The following NR1I3 variants were observed in gnomAD, a reference collection of about 807,000 sequenced individuals.
NR1I3 encodes the protein nuclear receptor subfamily 1 group I member 3, also known as constitutive activator of retinoid response.
Under a neutral mutation model 38.4 loss-of-function variants are expected in NR1I3, and 30 were observed. The ratio of observed to expected loss-of-function variants is 0.78; its 90% CI spans 0.58 to 1.06. The LOEUF (loss-of-function observed/expected upper bound fraction) is 1.06. Ranked by LOEUF, NR1I3 falls within the 50% of genes least tolerant of loss-of-function variation. The pLI is 0.00. For synonymous variants in NR1I3, 143 were observed against 165.1 expected, an observed-to-expected ratio of 0.87 and a Z score of 1.03; for missense variants, 388 against 435.7, an observed-to-expected ratio of 0.89 and a Z score of 0.97.
intron 1 of NR1I3, 94 bp downstream of exon 1, chr1:161,237,947 G>T: frequency 1.6e-6 from 2 of 1,289,200 alleles, no homozygotes; most frequent in South Asian, 1.2e-5. Context: ...GCCTCCCAAA[G>T]TGCTGGAATG....
chr1:161,230,633 T>A (rs1571676072), intron 8 of NR1I3, 180 bp downstream of exon 8: 1 of 776,792 alleles, frequency 1.3e-6, no homozygotes, highest in East Asian at 2.7e-5. Context: ...AGTATCCAAA[T>A]ACAGCAATTT....
chr1:161,230,658 T>C (rs977296514), intron 8 of NR1I3, 155 bp downstream of exon 8: 8 of 924,430 alleles, frequency 8.7e-6, no homozygotes, highest in Non-Finnish European at 1.1e-5. Flanking sequence ...GCTGAAACGA[T>C]GTGAGACAGG....
intron 3 of NR1I3, 103 bp from the exon 4 acceptor site, chr1:161,233,441 G>A (rs1029579528): frequency 5.7e-6 from 7 of 1,234,106 alleles, no homozygotes; most frequent in Middle Eastern, 5.6e-4. Flanking sequence ...CACAACGAAG[G>A]ATGGGGGCAG....
chr1:161,236,533 A>T lies in NR1I3; in HGVS notation c.33T>A (p.Cys11Ter). Residue 11 changes from cysteine (C) to a stop codon, truncating the protein, a stop_gained, in exon 2 of 9, where the codon TGT (cysteine) becomes TGA (stop). Transcript: ENST00000367983. LOFTEE classifies it high-confidence loss of function. MASREDELRN[C>*]VVCGDQATGY... ...CTGTGGCTTGGTCCCCACATACCAC[A>T]CAGTTCCTCAGCTCATCTTCCCTAC... 3 of 1,614,136 alleles carry T rather than the reference A, an allele frequency of 1.9e-6. No individual in the cohort carries two copies. Among genetic ancestry groups the T allele is most frequent in the Non-Finnish European group, 2.5e-6 (3 of 1,180,030 alleles).
In NR1I3 at chr1:161,235,986, C is replaced by T; in HGVS notation, c.108-9G>A. On this transcript the variant is annotated splice_polypyrimidine_tract_variant and intron_variant, in intron 2 of 8. Coordinates refer to ENST00000367983, the MANE Select transcript of NR1I3 (RefSeq NM_005122.5). Reference sequence around the variant, plus strand: ...TTTTGCTGACTGTTCTCCTGTGAGACACAGAGATGTTGTTAGAGTCTGGGA... The same window carrying T: ...TTTTGCTGACTGTTCTCCTGTGAGATACAGAGATGTTGTTAGAGTCTGGGA... The T allele has an allele frequency of 1.3e-6, 2 of 1,580,488 alleles. No individual in the cohort carries two copies. The highest frequency in any genetic ancestry group is 1.7e-4 in the Middle Eastern group (1 of 5,860).
chr1:161,231,453 C>G lies in NR1I3; in HGVS notation c.570G>C (p.Gln190His). ...PVFRSLPIED[Q>H]ISLLKGAAVE... Reference sequence around the variant, plus strand: ...CAGCTGCTCCCTTGAGAAGGGAGATCTGGTCTTCAATGGGCAGGGAACTGT... The same window carrying G: ...CAGCTGCTCCCTTGAGAAGGGAGATGTGGTCTTCAATGGGCAGGGAACTGT... Residue 190 changes from glutamine to histidine, a missense_variant, in exon 6 of 9, where the codon CAG (glutamine) becomes CAC (histidine). Coordinates refer to ENST00000367983, the MANE Select transcript of NR1I3 (RefSeq NM_005122.5). 1 of 1,576,736 alleles carries G rather than the reference C, an allele frequency of 6.3e-7. No individual in the cohort carries two copies. Among genetic ancestry groups the G allele is most frequent in the Non-Finnish European group, 8.5e-7 (1 of 1,170,802 alleles).
At chr1:161,231,521 GAGAC>G in intron 5 of NR1I3, 47 bp from the exon 6 acceptor site, 4 of 1,560,776 alleles carry the variant, frequency 2.6e-6, no homozygotes, top group Non-Finnish European at 3.4e-6. Flanking sequence ...TTTTTTTTCT[GAGAC>G]AGAGTCTCAC....
intron 5 of NR1I3, 83 bp from the exon 6 acceptor site, chr1:161,231,557 G>A: frequency 1.4e-6 from 2 of 1,425,952 alleles, no homozygotes; most frequent in Non-Finnish European, 1.9e-6. Flanking sequence ...CTGGAGTGCA[G>A]TGGCGTGATC....
At chr1:161,233,128 C>T (rs1006317641) in intron 4 of NR1I3, 41 bp downstream of exon 4, 1 of 1,603,478 alleles carries the variant, frequency 6.2e-7, no homozygotes, top group South Asian at 1.1e-5. Flanking sequence ...TTTTGGGTGC[C>T]CTTTTAGTTG....
intron 2 of NR1I3, 39 bp downstream of exon 2, chr1:161,236,420 G>T: frequency 6.2e-7 from 1 of 1,612,100 alleles, no homozygotes; most frequent in Non-Finnish European, 8.5e-7. Context: ...TAGGGAGTTT[G>T]GTTTGGAGGG....
At chr1:161,230,168 G>A (rs1334222453) in intron 8 of NR1I3, 5 of 500,618 alleles carry the variant, frequency 1.0e-5, no homozygotes, top group South Asian at 6.8e-5. Flanking sequence ...TCTGAGAGCC[G>A]AGTGTGAAGA....
chr1:161,237,163 T>G (rs545293449), intron 1 of NR1I3, among the ~76,000 whole-genome samples: 1 of 151,524 alleles, frequency 6.6e-6, no homozygotes, highest in South Asian at 2.1e-4. Flanking sequence ...TTTTTTTCTT[T>G]TCCTTCCTTC....
rs761756944 is a variant in NR1I3 at position 161,233,837 on chromosome 1, ATGTGTGTGTGTGTGTG to A, written c.239-515_239-500del. ...CAGGGCTGGTATTCATCATATATAT[ATGTGTGTGTGTGTGTG>A]TGTGTGTGTGTGTGTGTGTGTGTGT... On this transcript the variant is annotated intron_variant, in intron 3 of 8. Coordinates refer to ENST00000367983, the MANE Select transcript of NR1I3 (RefSeq NM_005122.5). Among the ~76,000 whole-genome samples, 390 of 118,586 alleles carry A rather than the reference ATGTGTGTGTGTGTGTG, an allele frequency of 3.3e-3. 4 individuals are homozygous for A. Among genetic ancestry groups the A allele is most frequent in the South Asian group, 0.011 (40 of 3,710 alleles). The allele number at this position is 118,586 out of a possible 152,430, so 77.8% of individuals were successfully genotyped here. A position where few individuals can be genotyped will look rare whatever the true frequency, so the allele number is the denominator to read the frequency against.
In NR1I3 at chr1:161,233,350, A is replaced by C; in HGVS notation, c.239-12T>G. On this transcript the variant is annotated splice_polypyrimidine_tract_variant and intron_variant, in intron 3 of 8. Transcript: ENST00000367983. ...TGCCGACAGTATCACTGTGCCAGGC[A>C]AGAGATCATGACAAAGCTGTTGAGA... 1 of 1,611,488 alleles carries C rather than the reference A, an allele frequency of 6.2e-7. No homozygotes were observed. The highest frequency in any genetic ancestry group is 8.5e-7 in the Non-Finnish European group (1 of 1,179,510).
intron 4 of NR1I3, 30 bp from the exon 5 acceptor site, chr1:161,232,976 T>G: frequency 6.2e-7 from 1 of 1,613,420 alleles, no homozygotes; most frequent in Non-Finnish European, 8.5e-7. Flanking sequence ...AGCTAGAGGC[T>G]CTGGCCCTAG....
chr1:161,231,328 C>T lies in NR1I3; in HGVS notation c.694+1G>A, dbSNP rs1667226502. 8 of 1,582,802 alleles carry T rather than the reference C, an allele frequency of 5.1e-6. No homozygotes were observed. The highest frequency in any genetic ancestry group is 1.4e-5 in the African/African-American group (1 of 73,420). Reference sequence around the variant, plus strand: ...CCCCTATTGCTCTAGCACCATCTCACCACGGGCTCCATCTTCAATTGTGTA... The same window carrying T: ...CCCCTATTGCTCTAGCACCATCTCATCACGGGCTCCATCTTCAATTGTGTA... On this transcript the variant is annotated splice_donor_variant, in intron 6 of 8. Coordinates refer to ENST00000367983, the MANE Select transcript of NR1I3 (RefSeq NM_005122.5). LOFTEE classifies it high-confidence loss of function.
chr1:161,233,835 ATATGTGTGTGTG>A (rs1469937282), intron 3 of NR1I3, among the ~76,000 whole-genome samples: 33 of 95,006 alleles, frequency 3.5e-4, no homozygotes, highest in South Asian at 2.6e-3. Flanking sequence ...CATCATATAT[ATATGTGTGTGTG>A]TGTGTGTGTG....
chr1:161,236,341 G>T, intron 2 of NR1I3, 118 bp downstream of exon 2: 1 of 1,237,598 alleles, frequency 8.1e-7, no homozygotes, highest in South Asian at 1.4e-5. Context: ...AGGGTAGTTA[G>T]ACTCTAAGAT....
rs754115870 is a variant in NR1I3, at chr1:161,236,538, TC to T, written c.27del (p.Asn10ThrfsTer17). 3.1e-6 allele frequency: 5 copies of T among 1,614,096 alleles called. No homozygotes were observed. The highest frequency in any genetic ancestry group is 4.2e-6 in the Non-Finnish European group (5 of 1,180,012). On this transcript the variant is annotated frameshift_variant, in exon 2 of 9. Coordinates refer to ENST00000367983, the MANE Select transcript of NR1I3 (RefSeq NM_005122.5). LOFTEE classifies it high-confidence loss of function. The part of the protein sequence containing the change: MASREDEL[R>X]NCVVCGDQAT... ...GCTTGGTCCCCACATACCACACAGT[TC>T]CTCAGCTCATCTTCCCTACTGGCCA...
Sources: allele counts gnomAD v4.1 joint callset (sites outside exome capture counted in the v4.1 genomes callset), GRCh38; gene constraint gnomAD v4.1.1; transcripts MANE v1.5; gene names NCBI Gene and HGNC (gene_info 2026-07-23, HGNC 2026-07-21).